Variants in LIMA1 observed in about 807,000 individuals in gnomAD.
LIMA1 encodes LIM domain and actin-binding protein 1.
A neutral mutation model predicts 62.6 loss-of-function variants in LIMA1; 52 were observed. The observed-to-expected ratio is 0.83, with a 90% CI of 0.67 to 1.05. LIMA1 has a LOEUF of 1.05. LIMA1 is among the 50% of genes least tolerant of loss of function. The pLI is 0.00. For synonymous variants in LIMA1, 302 were observed against 317.8 expected (o/e 0.95, Z 0.53); for missense variants, 780 against 902.2 (o/e 0.86, Z 1.74).
chr12:50,202,503 T>C (rs533401205), intron 6 of LIMA1, among the ~76,000 whole-genome samples: 6 of 152,334 alleles, frequency 3.9e-5, no homozygotes, highest in South Asian at 2.1e-4. Context: ...GAAGTTCAGC[T>C]TCGCAGATCC....
intron 2 of LIMA1, among the ~76,000 whole-genome samples, chr12:50,236,320 T>G (rs945911565): frequency 1.4e-5 from 2 of 143,812 alleles, no homozygotes; most frequent in Non-Finnish European, 3.0e-5. Flanking sequence ...TTTTTTGACA[T>G]GGAGTCTCAC....
At chr12:50,243,324 T>C (rs981495978) in intron 2 of LIMA1, among the ~76,000 whole-genome samples, 9 of 152,214 alleles carry the variant, frequency 5.9e-5, no homozygotes, top group African/African-American at 1.7e-4. Context: ...CCTCCTAAGT[T>C]TTCCTACTGT....
At chr12:50,244,776 G>T (rs116021227) in intron 2 of LIMA1, among the ~76,000 whole-genome samples, 2,115 of 152,252 alleles carry the variant, frequency 0.014, 46 homozygotes, top group African/African-American at 0.049. Context: ...TGCTACTATA[G>T]GACCCAAATC....
intron 7 of LIMA1, among the ~76,000 whole-genome samples, chr12:50,197,695 T>C (rs1436926727): frequency 2.0e-5 from 3 of 152,172 alleles, no homozygotes; most frequent in Non-Finnish European, 4.4e-5. Context: ...TGAATTTAGA[T>C]ACAGGGACAA....
In LIMA1 at chr12:50,214,153, TGAG is replaced by T. The variant is rs561826392; in HGVS notation, c.630+7865_630+7867del. On this transcript the variant is annotated intron_variant, in intron 4 of 10. Transcript: ENST00000341247. ...AAATAGATGTCAGTCAAAATAATGC[TGAG>T]GATAGCCTTATTTACATTTTTGAAA... is the stretch of plus-strand genomic sequence containing the variant. Among the ~76,000 whole-genome samples, 5 of 152,274 alleles carry T rather than the reference TGAG, an allele frequency of 3.3e-5. No individual in the cohort carries two copies. In the East Asian group the frequency reaches 7.7e-4, roughly 23 times the overall value.
chr12:50,177,157 C>T lies in LIMA1; in HGVS notation c.2187G>A (p.Val729=). 1.2e-6 allele frequency: 2 copies of T among 1,613,682 alleles called. No homozygotes were observed. The highest frequency in any genetic ancestry group is 1.7e-6 in the Non-Finnish European group (2 of 1,179,768). Residue 729 remains valine, a synonymous_variant, in exon 11 of 11, where the codon GTG becomes GTA. Transcript: ENST00000341247. ...TGACCACTTCTCCCTCCCAGAGTTC[C>T]ACATCCTGGGATTTCTGATTCTGAG... is the stretch of plus-strand genomic sequence containing the variant. The part of the protein sequence containing the change: ...FTTQNQKSQD[V]ELWEGEVVKE...
At chr12:50,273,554 A>T (rs1289890004) in intron 1 of LIMA1, among the ~76,000 whole-genome samples, 1 of 152,216 alleles carries the variant, frequency 6.6e-6, no homozygotes, top group Non-Finnish European at 1.5e-5. Context: ...TCAAGCCAGC[A>T]TTAAGAAAAA....
intron 4 of LIMA1, among the ~76,000 whole-genome samples, chr12:50,209,117 C>T (rs1201408718): frequency 1.3e-5 from 2 of 150,982 alleles, no homozygotes; most frequent in Non-Finnish European, 2.9e-5. Flanking sequence ...GCCACTGCAT[C>T]CGGCCTGATT....
Position 50,177,921 on chromosome 12 carries a change from A to G in LIMA1, c.1423T>C (p.Leu475=). The change falls in exon 11 of 11, where the codon TTG becomes CTG. Residue 475 remains leucine, a synonymous_variant. Transcript: ENST00000341247. ...TTTGCAAGCTGGGCTGGTCTCTCCA[A>G]AATCTCTTCGTTTTCATTTTTGCTT... is the stretch of plus-strand genomic sequence containing the variant. The part of the protein sequence containing the change: ...WASKNENEEI[L]ERPAQLANAR... The G allele has an allele frequency of 6.2e-7, 1 of 1,614,020 alleles. No individual in the cohort carries two copies. Among genetic ancestry groups the G allele is most frequent in the Non-Finnish European group, 8.5e-7 (1 of 1,179,996 alleles).
At chr12:50,234,551 T>G (rs1302565860) in intron 2 of LIMA1, among the ~76,000 whole-genome samples, 1 of 152,068 alleles carries the variant, frequency 6.6e-6, no homozygotes, top group Non-Finnish European at 1.5e-5. Context: ...CTCTGAGTCA[T>G]GCATTGAAGT....
At position 50,177,030 on chromosome 12, in the gene LIMA1, AC is replaced by A; in HGVS notation, c.*33del. 1 of 1,494,350 alleles carries A rather than the reference AC, an allele frequency of 6.7e-7. No homozygotes were observed. Among genetic ancestry groups the A allele is most frequent in the East Asian group, 2.3e-5 (1 of 42,860 alleles). The allele number at this position is 1,494,350 out of a possible 1,614,324, so 92.6% of individuals were successfully genotyped here. A position where few individuals can be genotyped will look rare whatever the true frequency, so the allele number is the denominator to read the frequency against. ...AAAGGGCAGTGGCTCGCTAACACTA[AC>A]ATGAATTTAAGGCCCAGCATCATTG... On this transcript the variant is annotated 3_prime_UTR_variant, in exon 11 of 11. Transcript: ENST00000341247.
intron 4 of LIMA1, among the ~76,000 whole-genome samples, chr12:50,219,974 C>T (rs971145766): frequency 8.6e-5 from 13 of 151,906 alleles, no homozygotes; most frequent in African/African-American, 3.1e-4. Context: ...TGTAAGCCAC[C>T]GTGCCCAGCC....
At chr12:50,260,351 G>A (rs1942050579) in intron 1 of LIMA1, among the ~76,000 whole-genome samples, 1 of 152,090 alleles carries the variant, frequency 6.6e-6, no homozygotes. Context: ...GTTTCACCAT[G>A]TTGGCCAGGC....
chr12:50,274,500 T>C (rs976458004), intron 1 of LIMA1, among the ~76,000 whole-genome samples: 9 of 151,878 alleles, frequency 5.9e-5, no homozygotes, highest in Non-Finnish European at 7.4e-5. Flanking sequence ...AGGAGACTCT[T>C]GAACCTGGGA....
At chr12:50,239,407 G>C (rs906298305) in intron 2 of LIMA1, among the ~76,000 whole-genome samples, 1 of 152,160 alleles carries the variant, frequency 6.6e-6, no homozygotes, top group African/African-American at 2.4e-5. Flanking sequence ...GGGAGGCTGA[G>C]TCGAGTAGAT....
At chr12:50,218,910 C>A (rs140514624) in intron 4 of LIMA1, among the ~76,000 whole-genome samples, 3,182 of 64,396 alleles carry the variant, frequency 0.049, 147 homozygotes, top group African/African-American at 0.18. Flanking sequence ...AAAAAAAAAA[C>A]AAAAACAAAA....
chr12:50,200,719 G>C (rs1941029983), intron 7 of LIMA1, 58 bp downstream of exon 7: 1 of 1,531,652 alleles, frequency 6.5e-7, no homozygotes, highest in Admixed American at 1.7e-5. Flanking sequence ...CTAATTTCAA[G>C]CATCTAATTT....
Position 50,195,831 on chromosome 12 carries a change from G to T in LIMA1, c.1029C>A (p.Ser343=). 1 of 1,598,744 alleles carries T rather than the reference G, an allele frequency of 6.3e-7. No individual in the cohort carries two copies. Among genetic ancestry groups the T allele is most frequent in the South Asian group, 1.1e-5 (1 of 87,926 alleles). ...AVRSTPAEDD[S]RDSQVKSEVQ... ...CCAGATCTAAGAAAGAATGCTTACG[G>T]GAGTCATCTTCGGCAGGGGTGGAAC... The change falls in exon 8 of 11, where the codon TCC becomes TCA. Residue 343 remains serine, a splice_region_variant and synonymous_variant. Coordinates refer to ENST00000341247, the MANE Select transcript of LIMA1 (RefSeq NM_016357.5).
chr12:50,201,270 A>G, intron 6 of LIMA1: 2 of 1,011,742 alleles, frequency 2.0e-6, no homozygotes, highest in Non-Finnish European at 2.4e-6. Context: ...GGGAAAGGAG[A>G]TGCCAAGTGC....
Sources: allele counts gnomAD v4.1 joint callset (sites outside exome capture counted in the v4.1 genomes callset), GRCh38; gene constraint gnomAD v4.1.1; transcripts MANE v1.5; gene names NCBI Gene and HGNC (gene_info 2026-07-23, HGNC 2026-07-21).